The following CPNE3 variants were observed in gnomAD, a reference collection of about 807,000 sequenced individuals.
CPNE3 encodes the protein copine-3.
CPNE3 carries 68 observed loss-of-function variants against 63.9 expected under a neutral mutation model. The ratio of observed to expected loss-of-function variants is 1.06; its 90% confidence interval spans 0.87 to 1.30. The LOEUF is 1.30. Among genes scored for constraint, CPNE3 ranks in the 50% most tolerant of loss-of-function variants. The probability of loss-of-function intolerance (pLI) is 0.00; values close to 1 mark genes in which losing one functional copy is unlikely to be tolerated. For synonymous variants in CPNE3, 219 were observed against 197.5 expected (o/e 1.11, Z -0.91); for missense variants, 665 against 578.1 (o/e 1.15, Z -1.54).
intron 6 of CPNE3, among the ~76,000 whole-genome samples, chr8:86,534,426 T>C (rs1820756342): frequency 6.6e-6 from 1 of 151,954 alleles, no homozygotes; most frequent in South Asian, 2.1e-4. Context: ...GAGGCCGAGG[T>C]AGGTGGCTTA....
rs1821010367 is a variant in CPNE3, at chr8:86,544,724, T to C, written c.634-16T>C. On this transcript the variant is annotated splice_polypyrimidine_tract_variant and intron_variant, in intron 8 of 16. Coordinates refer to ENST00000517490, the MANE Select transcript of CPNE3 (RefSeq NM_003909.5). ...CTATATTGATTTTTATATATTTTTA[T>C]TATATTTAATTTCAGGTGGAGTGTT... is the stretch of plus-strand genomic sequence containing the variant. The C allele has an allele frequency of 7.9e-7, 1 of 1,267,868 alleles. No individual in the cohort carries two copies. The highest frequency in any genetic ancestry group is 1.5e-5 in the African/African-American group (1 of 64,532). The allele number at this position is 1,267,868 out of a possible 1,614,324, so 78.5% of individuals were successfully genotyped here. A position where few individuals can be genotyped will look rare whatever the true frequency, so the allele number is the denominator to read the frequency against.
chr8:86,529,149 CTATT>C, intron 4 of CPNE3, 25 bp downstream of exon 4: 1 of 1,554,756 alleles, frequency 6.4e-7, no homozygotes, highest in East Asian at 2.3e-5. Context: ...CCACTGTACT[CTATT>C]TTGTCTAAAT....
intron 6 of CPNE3, among the ~76,000 whole-genome samples, chr8:86,535,033 T>C (rs1820773626): frequency 6.6e-6 from 1 of 152,030 alleles, no homozygotes; most frequent in South Asian, 2.1e-4. Context: ...AGCTTGTTTG[T>C]GAGACCATTT....
At chr8:86,551,148 C>G in intron 13 of CPNE3, 35 bp from the exon 14 acceptor site, 1 of 1,613,416 alleles carries the variant, frequency 6.2e-7, no homozygotes, top group Non-Finnish European at 8.5e-7. Context: ...GAAAAGCAGC[C>G]CAGCCCTCAT....
intron 2 of CPNE3, among the ~76,000 whole-genome samples, chr8:86,518,772 T>A (rs999791115): frequency 6.6e-6 from 1 of 151,516 alleles, no homozygotes; most frequent in South Asian, 2.1e-4. Flanking sequence ...TAAAAAAAAA[T>A]ATTTATTTAT....
In CPNE3 at chr8:86,551,079, T is replaced by C. The variant is rs748831746; in HGVS notation, c.1047T>C (p.Ala349=). The C allele has an allele frequency of 5.6e-5, 91 of 1,611,298 alleles. 1 individual carries two copies. The South Asian group carries it at 1.0e-3, about 18-fold the overall frequency. Residue 349 remains alanine, a synonymous_variant, in exon 13 of 17, where the codon GCT becomes GCC. Transcript: ENST00000517490. ...TGTTTCCAGCTTTTGGTTTTGGCGC[T>C]CAGATACCTCCTCAGTGGCAGGTAA... ...DKMFPAFGFG[A]QIPPQWQVSH...
intron 2 of CPNE3, among the ~76,000 whole-genome samples, chr8:86,527,946 ATT>A (rs869225401): frequency 7.2e-4 from 62 of 85,948 alleles, no homozygotes; most frequent in Middle Eastern, 0.02. Context: ...GTAAAAAGAA[ATT>A]TTTTTTTTTT....
Position 86,528,596 on chromosome 8 carries a change from T to A in CPNE3, c.51T>A (p.Asn17Lys), listed in dbSNP as rs1370437651. 2 of 1,614,154 alleles carry A rather than the reference T, an allele frequency of 1.2e-6. No homozygotes were observed. The highest frequency in any genetic ancestry group is 1.7e-6 in the Non-Finnish European group (2 of 1,180,020). The change falls in exon 3 of 17, where the codon AAT (asparagine) becomes AAA (lysine). Residue 17 changes from asparagine (N) to lysine (K), a missense_variant. Transcript: ENST00000517490. ...TGGCGCTGAATGTTTCCTGTGCCAATCTTTTGGATAAAGATATAGGGTCAA... is the reference window on the plus strand; with the variant it reads ...TGGCGCTGAATGTTTCCTGTGCCAAACTTTTGGATAAAGATATAGGGTCAA... ...TKVALNVSCA[N>K]LLDKDIGSKS...
chr8:86,539,625 A>T (rs1367986904), intron 7 of CPNE3, among the ~76,000 whole-genome samples: 4 of 148,478 alleles, frequency 2.7e-5, no homozygotes, highest in African/African-American at 1.0e-4. Flanking sequence ...CTGCAATGAA[A>T]CCCTCATTGC....
chr8:86,542,164 T>C (rs1421280852), intron 8 of CPNE3, among the ~76,000 whole-genome samples: 1 of 152,258 alleles, frequency 6.6e-6, no homozygotes, highest in African/African-American at 2.4e-5. Flanking sequence ...CACAACTTGG[T>C]TTGCTACGTC....
At chr8:86,539,719 G>A (rs922923968) in intron 7 of CPNE3, among the ~76,000 whole-genome samples, 3 of 135,888 alleles carry the variant, frequency 2.2e-5, no homozygotes, top group Admixed American at 1.6e-4. Flanking sequence ...CTGGAATGCA[G>A]TGGCACGATC....
chr8:86,536,072 C>T (rs1180942411), intron 6 of CPNE3, among the ~76,000 whole-genome samples: 1 of 151,818 alleles, frequency 6.6e-6, no homozygotes, highest in African/African-American at 2.4e-5. Context: ...AAACAAGGTA[C>T]TTAAGAAATT....
Position 86,539,358 on chromosome 8 carries a change from G to A in CPNE3, c.544-887G>A, listed in dbSNP as rs145491706. Reference sequence around the variant, plus strand: ...ATGTCTCTTAATAAGCCCTATTCCTGCAAGAGGGTAGTAGTATTTAGACAC... The same window carrying A: ...ATGTCTCTTAATAAGCCCTATTCCTACAAGAGGGTAGTAGTATTTAGACAC... On this transcript the variant is annotated intron_variant, in intron 7 of 16. Coordinates refer to ENST00000517490, the MANE Select transcript of CPNE3 (RefSeq NM_003909.5). Among the ~76,000 whole-genome samples the A allele has an allele frequency of 4.6e-5, 7 of 152,270 alleles. No homozygotes were observed. In the East Asian group the frequency reaches 1.4e-3, roughly 29 times the overall value.
At chr8:86,520,554 C>CAA (rs535323913) in intron 2 of CPNE3, among the ~76,000 whole-genome samples, 21,982 of 130,378 alleles carry the variant, frequency 0.17, 1,695 homozygotes, top group Non-Finnish European at 0.2. Flanking sequence ...AAGTCCATCT[C>CAA]AAAAAAAAAA....
intron 14 of CPNE3, among the ~76,000 whole-genome samples, chr8:86,554,313 G>A (rs1326136932): frequency 1.3e-5 from 2 of 152,196 alleles, no homozygotes; most frequent in Non-Finnish European, 2.9e-5. Context: ...ACCTGGAAGT[G>A]AATATTTGGA....
Position 86,559,543 on chromosome 8 carries a change from C to G in CPNE3, c.*1133C>G, listed in dbSNP as rs941090154. ...GATATTTCCTATGTCTACAGCATAC[C>G]TTATTAGGTATAAAACCTACTGCAA... On this transcript the variant is annotated 3_prime_UTR_variant, in exon 17 of 17. Transcript: ENST00000517490. 7 of 151,704 alleles carry G rather than the reference C, an allele frequency of 4.6e-5. No homozygotes were observed. Among genetic ancestry groups the G allele is most frequent in the Non-Finnish European group, 4.4e-5 (3 of 67,954 alleles). 9.4% of individuals were successfully genotyped at this position (151,704 alleles called of 1,614,324 possible). A position where few individuals can be genotyped will look rare whatever the true frequency, so the allele number is the denominator to read the frequency against.
At chr8:86,555,619 T>A (rs1821305882) in intron 15 of CPNE3, among the ~76,000 whole-genome samples, 1 of 152,216 alleles carries the variant, frequency 6.6e-6, no homozygotes, top group Non-Finnish European at 1.5e-5. Context: ...AGGTTTATCT[T>A]AGGTGACACA....
rs1820707212 is a variant in CPNE3, at chr8:86,532,595, C to T, written c.459+15C>T. 2 of 1,598,410 alleles carry T rather than the reference C, an allele frequency of 1.3e-6. No individual in the cohort carries two copies. The highest frequency in any genetic ancestry group is 8.5e-7 in the Non-Finnish European group (1 of 1,173,168). On this transcript the variant is annotated intron_variant, in intron 6 of 16. Coordinates refer to ENST00000517490, the MANE Select transcript of CPNE3 (RefSeq NM_003909.5). The stretch of plus-strand genomic sequence containing the variant: ...TGGATAATAAGGTGGGTAGACTATG[C>T]AGATTTCAAAAAGGTTGTCATGTTT...
chr8:86,538,627 A>G (rs1820859654), intron 7 of CPNE3, among the ~76,000 whole-genome samples: 1 of 152,124 alleles, frequency 6.6e-6, no homozygotes, highest in South Asian at 2.1e-4. Flanking sequence ...TCTTCTCCCT[A>G]CCTTCCTTAT....
Sources: allele counts gnomAD v4.1 joint callset (sites outside exome capture counted in the v4.1 genomes callset), GRCh38; gene constraint gnomAD v4.1.1; transcripts MANE v1.5; gene names NCBI Gene and HGNC (gene_info 2026-07-23, HGNC 2026-07-21).